The following SV2C variants were observed in gnomAD, a reference collection of about 807,000 sequenced individuals.
SV2C encodes the protein solute carrier family 22 member B3.
SV2C carries 49 observed loss-of-function variants against 79.7 expected under a neutral mutation model. The ratio of observed to expected loss-of-function variants is 0.61; its 90% confidence interval spans 0.49 to 0.78. The LOEUF (loss-of-function observed/expected upper bound fraction) is 0.78. Ranked by LOEUF, SV2C falls within the 30% of genes least tolerant of loss-of-function variation. The pLI, the probability that SV2C is intolerant of heterozygous loss-of-function variation, is 0.00. For synonymous variants in SV2C, 334 were observed against 333.2 expected (o/e 1.00, Z -0.03); for missense variants, 833 against 912.9 (o/e 0.91, Z 1.13).
chr5:75,970,254 A>G, the SV2C span, among the ~76,000 whole-genome samples: 1 of 152,138 alleles, frequency 6.6e-6, no homozygotes, highest in Non-Finnish European at 1.5e-5. Flanking sequence ...TAAAATCACA[A>G]TTAAAAGAAC....
chr5:75,911,759 A>G, the SV2C span: 3 of 610,988 alleles, frequency 4.9e-6, no homozygotes, highest in Non-Finnish European at 9.6e-6. Flanking sequence ...GTCTTAGCTG[A>G]CTCCTCGGAG....
chr5:76,165,953 G>A (rs1437784662), intron 2 of SV2C, among the ~76,000 whole-genome samples: 1 of 152,092 alleles, frequency 6.6e-6, no homozygotes, highest in Non-Finnish European at 1.5e-5. Context: ...CTGCAGCAGA[G>A]GCATGCCCAG....
Position 76,131,723 on chromosome 5 carries a change from C to T in SV2C, c.-28C>T, listed in dbSNP as rs1580292210. 6.5e-7 allele frequency: 1 copy of T among 1,549,860 alleles called. No homozygotes were observed. The highest frequency in any genetic ancestry group is 1.4e-5 in the African/African-American group (1 of 73,060). On this transcript the variant is annotated 5_prime_UTR_variant, in exon 2 of 13. Coordinates refer to ENST00000502798, the MANE Select transcript of SV2C (RefSeq NM_014979.4). ...AAAGGAGGCTGTGAAAATTTCCCAT[C>T]TTCTCATTGGCCATCAGTTGAGATA...
the SV2C span, among the ~76,000 whole-genome samples, chr5:76,008,940 C>A: frequency 6.6e-6 from 1 of 152,068 alleles, no homozygotes; most frequent in Non-Finnish European, 1.5e-5. Context: ...CAAACAGGCC[C>A]TTCCGTGGAT....
intron 12 of SV2C, among the ~76,000 whole-genome samples, chr5:76,302,853 G>A (rs1384643356): frequency 6.6e-6 from 1 of 152,020 alleles, no homozygotes; most frequent in African/African-American, 2.4e-5. Flanking sequence ...GTGCCAGAGG[G>A]TGGAGTCAGT....
chr5:75,873,575 C>T, the SV2C span, among the ~76,000 whole-genome samples: 1 of 151,920 alleles, frequency 6.6e-6, no homozygotes, highest in East Asian at 1.9e-4. Flanking sequence ...GGAATTTTAT[C>T]CTAAGGGGAA....
At chr5:76,008,282 C>G in the SV2C span, among the ~76,000 whole-genome samples, 4 of 152,216 alleles carry the variant, frequency 2.6e-5, no homozygotes, top group East Asian at 5.8e-4. Context: ...AGCAGGGGAG[C>G]CTGTGAAATT....
At chr5:76,253,537 A>C (rs1746174630) in intron 4 of SV2C, among the ~76,000 whole-genome samples, 1 of 152,134 alleles carries the variant, frequency 6.6e-6, no homozygotes, top group Admixed American at 6.6e-5. Context: ...TGTTATTTGC[A>C]ATATGCCAGA....
the SV2C span, among the ~76,000 whole-genome samples, chr5:75,858,940 T>C: frequency 6.6e-6 from 1 of 152,188 alleles, no homozygotes; most frequent in Non-Finnish European, 1.5e-5. Context: ...TTGTAACGTC[T>C]TCTTTTTCAT....
downstream of SV2C, among the ~76,000 whole-genome samples, chr5:76,335,868 G>A (rs1309289642): frequency 6.6e-6 from 1 of 152,150 alleles, no homozygotes; most frequent in Non-Finnish European, 1.5e-5. Flanking sequence ...TCCTTTCTCG[G>A]CCTTTCCCCC....
the SV2C span, among the ~76,000 whole-genome samples, chr5:75,976,876 A>C: frequency 3.7e-4 from 57 of 152,336 alleles, no homozygotes; most frequent in East Asian, 7.3e-3. Flanking sequence ...GCTCTATTCC[A>C]ACATAGCGGT....
the SV2C span, among the ~76,000 whole-genome samples, chr5:75,848,812 G>A: frequency 6.6e-6 from 1 of 152,158 alleles, no homozygotes; most frequent in South Asian, 2.1e-4. Flanking sequence ...CTGGACACAA[G>A]CAGCTGTGGT....
At chr5:76,230,211 C>T (rs1477272323) in intron 4 of SV2C, among the ~76,000 whole-genome samples, 1 of 152,134 alleles carries the variant, frequency 6.6e-6, no homozygotes, top group African/African-American at 2.4e-5. Flanking sequence ...ATTTATCTTG[C>T]AAGGATTTAC....
chr5:75,912,354 G>A, the SV2C span, among the ~76,000 whole-genome samples: 1 of 152,138 alleles, frequency 6.6e-6, no homozygotes, highest in East Asian at 1.9e-4. Context: ...TTAGGTGGGT[G>A]TGGTGGCAGG....
the SV2C span, among the ~76,000 whole-genome samples, chr5:76,001,813 T>G: frequency 6.6e-6 from 1 of 152,032 alleles, no homozygotes; most frequent in Non-Finnish European, 1.5e-5. Context: ...TTTTAAAAAT[T>G]TCAGTAGTTT....
intron 2 of SV2C, among the ~76,000 whole-genome samples, chr5:76,192,974 TC>T (rs1401145799): frequency 3.3e-5 from 5 of 152,326 alleles, no homozygotes; most frequent in Non-Finnish European, 2.9e-5. Flanking sequence ...AGTAAAATCT[TC>T]CCAGAGGCCA....
At chr5:76,082,631 T>TCC (rs745450140), upstream of SV2C, among the ~76,000 whole-genome samples, 24 of 87,688 alleles carry the variant, frequency 2.7e-4, no homozygotes, top group Middle Eastern at 4.5e-3. Context: ...TATCTCTCTC[T>TCC]CCACCCCCCC....
rs546375715 is a variant in SV2C, at chr5:76,299,385, ATTG to A, written c.1636+459_1636+461del. Among the ~76,000 whole-genome samples, 273 of 152,366 alleles carry A rather than the reference ATTG, an allele frequency of 1.8e-3. 1 individual carries two copies. The highest frequency in any genetic ancestry group is 6.1e-3 in the African/African-American group (253 of 41,588). ...GGAAAAAAAAGGAAGGCAAACAAGC[ATTG>A]ATTGAACACCTATATACTGTTTTCT... On this transcript the variant is annotated intron_variant, in intron 10 of 12. Transcript: ENST00000502798.
chr5:76,216,209 A>G (rs752009900), intron 4 of SV2C, among the ~76,000 whole-genome samples: 1 of 152,030 alleles, frequency 6.6e-6, no homozygotes, highest in Non-Finnish European at 1.5e-5. Context: ...TCTTCATATC[A>G]CTGCTATCAG....
Sources: gnomAD v4.1 joint callset for allele counts (sites outside exome capture counted in the v4.1 genomes callset) on GRCh38, gnomAD v4.1.1 for gene constraint, MANE v1.5 for transcripts, NCBI Gene and HGNC (gene_info 2026-07-23, HGNC 2026-07-21) for gene names.